Variants in HEG1 observed in about 807,000 individuals in gnomAD.
HEG1 encodes the protein heart development protein with EGF like domains 1, also known as protein HEG homolog 1.
A neutral mutation model predicts 125.6 loss-of-function variants in HEG1; 56 were observed. The observed-to-expected ratio is 0.45, with a 90% CI of 0.36 to 0.56. The LOEUF is 0.56. HEG1 is among the 20% of genes least tolerant of loss of function. The pLI, the probability that HEG1 is intolerant of heterozygous loss-of-function variation, is 0.00. For synonymous variants in HEG1, 644 were observed against 668.5 expected, an observed-to-expected ratio of 0.96 and a Z score of 0.57; for missense variants, 1,523 against 1,670.0, an observed-to-expected ratio of 0.91 and a Z score of 1.53.
In HEG1 at chr3:124,990,793, C is replaced by T. The variant is rs1936820577; in HGVS notation, c.3727G>A (p.Gly1243Arg). 6.4e-7 allele frequency: 1 copy of T among 1,562,210 alleles called. No individual in the cohort carries two copies. Among genetic ancestry groups the T allele is most frequent in the Non-Finnish European group, 8.7e-7 (1 of 1,152,418 alleles). The stretch of plus-strand genomic sequence containing the variant: ...TCCACTTTTGTACACTTACGGTTTC[C>T]ACAGTTGAGACCACCAAGGCCAAAT... The part of the protein sequence containing the change: ...CPFGLGGLNC[G>R]NPYQLITVVI... The change falls in exon 14 of 17, where the codon GGA (glycine) becomes AGA (arginine). Residue 1243 changes from glycine (G) to arginine (R), a missense_variant. Transcript: ENST00000311127.
At chr3:124,997,606 C>T (rs1936941202) in intron 12 of HEG1, 83 bp downstream of exon 12, 2 of 1,375,374 alleles carry the variant, frequency 1.5e-6, no homozygotes, top group Middle Eastern at 2.0e-4. Context: ...TAAGCAAAGA[C>T]AGAGAGAGAG....
Position 124,970,800 on chromosome 3 carries a change from G to A in HEG1, c.3998C>T (p.Pro1333Leu), listed in dbSNP as rs770547898. ...LLQMTDVYYS[P>L]TSVRNPELER... ...AAGTTCTGGATTCCTTACACTTGTA[G>A]GCTGGTTGCCAAAGAGAAAAGAAGA... Residue 1333 changes from proline (P) to leucine (L), a missense_variant and splice_region_variant, in exon 17 of 17, where the codon CCT becomes CTT. Transcript: ENST00000311127. 1 of 1,606,968 alleles carries A rather than the reference G, an allele frequency of 6.2e-7. No individual in the cohort carries two copies. Among genetic ancestry groups the A allele is most frequent in the South Asian group, 1.1e-5 (1 of 89,132 alleles).
rs1391408749 is a variant in HEG1 at position 124,977,764 on chromosome 3, T to C, written c.3821+95A>G. 3 of 745,912 alleles carry C rather than the reference T, an allele frequency of 4.0e-6. No homozygotes were observed. In the African/African-American group the frequency reaches 5.3e-5, roughly 13 times the overall value. 46.2% of individuals were successfully genotyped at this position (745,912 alleles called of 1,614,324 possible). On this transcript the variant is annotated intron_variant, in intron 15 of 16. Coordinates refer to ENST00000311127, the MANE Select transcript of HEG1 (RefSeq NM_020733.2). ...AGTCACACATTATGGTTTAATATTG[T>C]GAACCATCTCAAGTATCCTGTAAAA...
At chr3:125,016,974 AAAGAG>A (rs762217220) in intron 5 of HEG1, among the ~76,000 whole-genome samples, 1 of 152,272 alleles carries the variant, frequency 6.6e-6, no homozygotes, top group Non-Finnish European at 1.5e-5. Flanking sequence ...TTCCATCAAG[AAAGAG>A]AAAAGACAAC....
chr3:125,004,052 G>A lies in HEG1; in HGVS notation c.3297+1213C>T, dbSNP rs116232995. Among the ~76,000 whole-genome samples the A allele has an allele frequency of 1.7e-3, 262 of 152,268 alleles. 1 individual carries two copies. Among genetic ancestry groups the A allele is most frequent in the African/African-American group, 6.1e-3 (255 of 41,546 alleles). On this transcript the variant is annotated intron_variant, in intron 9 of 16. Transcript: ENST00000311127. ...TTCCCCAACTTTGCACCTGCTCTGC[G>A]TGGACTCAGGCAATGTCATTCACTT...
chr3:125,037,828 G>C (rs553315785), intron 1 of HEG1, among the ~76,000 whole-genome samples: 8 of 152,320 alleles, frequency 5.3e-5, no homozygotes, highest in African/African-American at 1.9e-4. Context: ...ATGTAGGTTA[G>C]ACTTCTGGCT....
chr3:124,995,318 GAATT>G (rs1315084538), intron 12 of HEG1, among the ~76,000 whole-genome samples: 1 of 151,592 alleles, frequency 6.6e-6, no homozygotes, highest in Non-Finnish European at 1.5e-5. Context: ...AAAAAAAAAA[GAATT>G]AATCATGATG....
intron 1 of HEG1, among the ~76,000 whole-genome samples, chr3:125,044,712 G>T (rs1438156223): frequency 6.6e-6 from 1 of 152,174 alleles, no homozygotes; most frequent in African/African-American, 2.4e-5. Context: ...AATAGAGAAA[G>T]AATGAAATAA....
chr3:124,983,743 G>A (rs539316486), intron 14 of HEG1, among the ~76,000 whole-genome samples: 20 of 152,296 alleles, frequency 1.3e-4, no homozygotes, highest in African/African-American at 4.6e-4. Flanking sequence ...CAACCAGGGT[G>A]TGAACATACC....
At position 125,012,865 on chromosome 3, in the gene HEG1, C is replaced by G; in HGVS notation, c.2714G>C (p.Arg905Pro). Reference protein sequence around the residue: ...TEGGISTERNRVIVDATTGLI... With the variant: ...TEGGISTERNPVIVDATTGLI... ...TCCAGTGGTAGCATCCACAATCACT[C>G]GGTTCCTTTCTGTGCTGATGCCACC... The change falls in exon 6 of 17, where the codon CGA (arginine) becomes CCA (proline). Residue 905 changes from arginine to proline, a missense_variant. Coordinates refer to ENST00000311127, the MANE Select transcript of HEG1 (RefSeq NM_020733.2). 1 of 1,614,004 alleles carries G rather than the reference C, an allele frequency of 6.2e-7. No individual in the cohort carries two copies. Among genetic ancestry groups the G allele is most frequent in the Non-Finnish European group, 8.5e-7 (1 of 1,179,882 alleles).
intron 8 of HEG1, among the ~76,000 whole-genome samples, chr3:125,007,913 CTT>C (rs752094859): frequency 5.5e-5 from 8 of 144,762 alleles, no homozygotes; most frequent in Non-Finnish European, 6.1e-5. Context: ...AAAAGAAATT[CTT>C]TTTTTTTTTT....
At chr3:125,053,928 C>G (rs1937870620) in intron 1 of HEG1, among the ~76,000 whole-genome samples, 1 of 152,214 alleles carries the variant, frequency 6.6e-6, no homozygotes, top group Non-Finnish European at 1.5e-5. Flanking sequence ...TGTGCCTGCC[C>G]CATCCAGCCA....
At chr3:125,051,518 T>G (rs1937805714) in intron 1 of HEG1, among the ~76,000 whole-genome samples, 1 of 152,246 alleles carries the variant, frequency 6.6e-6, no homozygotes, top group Admixed American at 6.5e-5. Context: ...CAGGCTACTG[T>G]TTCCAGAACT....
In HEG1 at chr3:124,969,587, A is replaced by C. The variant is rs1936390072; in HGVS notation, c.*1065T>G. ...GGTGAGCAAACTCATGTGTGGCTCCATCTCGGCTCCCTGTTCTTCCTCAGG... is the reference window on the plus strand; with the variant it reads ...GGTGAGCAAACTCATGTGTGGCTCCCTCTCGGCTCCCTGTTCTTCCTCAGG... On this transcript the variant is annotated 3_prime_UTR_variant, in exon 17 of 17. Coordinates refer to ENST00000311127, the MANE Select transcript of HEG1 (RefSeq NM_020733.2). 6.6e-6 allele frequency: 1 copy of C among 152,236 alleles called. No individual in the cohort carries two copies. The highest frequency in any genetic ancestry group is 1.5e-5 in the Non-Finnish European group (1 of 68,072). 9.4% of individuals were successfully genotyped at this position (152,236 alleles called of 1,614,324 possible). A position where few individuals can be genotyped will look rare whatever the true frequency, so the allele number is the denominator to read the frequency against.
intron 14 of HEG1, among the ~76,000 whole-genome samples, chr3:124,988,431 A>G (rs55919726): frequency 0.64 from 96,758 of 152,042 alleles, 31,301 homozygotes; most frequent in South Asian, 0.74. Flanking sequence ...ATTAAATAAA[A>G]AAGCCTAAAA....
rs1936303409 is a variant in HEG1 at position 124,966,025 on chromosome 3, G to C, written c.*4627C>G. 1 of 152,130 alleles carries C rather than the reference G, an allele frequency of 6.6e-6. No homozygotes were observed. Among genetic ancestry groups the C allele is most frequent in the Non-Finnish European group, 1.5e-5 (1 of 68,036 alleles). The allele number at this position is 152,130 out of a possible 1,614,324, so 9.4% of individuals were successfully genotyped here. ...CCAACACAAACATTAACAAAACTCAGAGCAACTCATGATGAAACAGTCGTT... is the reference window on the plus strand; with the variant it reads ...CCAACACAAACATTAACAAAACTCACAGCAACTCATGATGAAACAGTCGTT... On this transcript the variant is annotated 3_prime_UTR_variant, in exon 17 of 17. Coordinates refer to ENST00000311127, the MANE Select transcript of HEG1 (RefSeq NM_020733.2).
At chr3:125,035,031 C>T (rs962421795) in intron 1 of HEG1, among the ~76,000 whole-genome samples, 6 of 152,148 alleles carry the variant, frequency 3.9e-5, no homozygotes, top group Non-Finnish European at 8.8e-5. Context: ...TGGAGTACAT[C>T]TCAGCTCACT....
chr3:125,010,314 T>C, intron 7 of HEG1, 125 bp downstream of exon 7: 1 of 609,178 alleles, frequency 1.6e-6, no homozygotes, highest in Admixed American at 3.0e-5. Context: ...ACATGCTGAC[T>C]CTCAAGTAAG....
At position 125,055,484 on chromosome 3, in the gene HEG1, C is replaced by T. The variant is rs924828028; in HGVS notation, c.316+91G>A. 3 of 898,206 alleles carry T rather than the reference C, an allele frequency of 3.3e-6. No homozygotes were observed. In the African/African-American group the frequency reaches 5.4e-5, roughly 16 times the overall value. 55.6% of individuals were successfully genotyped at this position (898,206 alleles called of 1,614,324 possible). On this transcript the variant is annotated intron_variant, in intron 1 of 16. Transcript: ENST00000311127. ...AGCCCCCACCCTGGGTCGCGCCGCG[C>T]GGAGGGGCCTACGGCTGGGGATGCA...
Sources: gnomAD v4.1 joint callset for allele counts (sites outside exome capture counted in the v4.1 genomes callset) on GRCh38, gnomAD v4.1.1 for gene constraint, MANE v1.5 for transcripts, NCBI Gene and HGNC (gene_info 2026-07-23, HGNC 2026-07-21) for gene names.